Variants in CNOT4 observed in about 807,000 individuals in gnomAD.
CNOT4 encodes the protein CCR4-associated factor 4.
CNOT4 carries 8 observed loss-of-function variants against 73.8 expected under a neutral mutation model. The ratio of observed to expected loss-of-function variants is 0.11; its 90% CI spans 0.06 to 0.20. The LOEUF is 0.20. Ranked by LOEUF, CNOT4 falls within the 10% of genes least tolerant of loss-of-function variation. CNOT4 has a pLI of 1.00. For missense variants in CNOT4, 564 were observed against 883.4 expected, an observed-to-expected ratio of 0.64 and a Z score of 4.58; for synonymous variants, 293 against 321.1, an observed-to-expected ratio of 0.91 and a Z score of 0.94.
At chr7:135,443,300 A>G (rs1464733826) in intron 1 of CNOT4, among the ~76,000 whole-genome samples, 7 of 151,242 alleles carry the variant, frequency 4.6e-5, no homozygotes, top group Non-Finnish European at 7.4e-5. Context: ...GGTTTCAGTG[A>G]GCCTAGATCA....
intron 2 of CNOT4, among the ~76,000 whole-genome samples, chr7:135,435,829 T>C (rs1315257164): frequency 1.3e-5 from 2 of 152,222 alleles, no homozygotes; most frequent in African/African-American, 4.8e-5. Flanking sequence ...TAGAAGCTCC[T>C]AGTTCCTCCA....
At chr7:135,500,983 C>G (rs112063381) in intron 1 of CNOT4, among the ~76,000 whole-genome samples, 1 of 134,532 alleles carries the variant, frequency 7.4e-6, no homozygotes, top group African/African-American at 2.8e-5. Flanking sequence ...TCTACTAAAC[C>G]TTTTTTTTTT....
intron 10 of CNOT4, among the ~76,000 whole-genome samples, chr7:135,390,716 C>A (rs1361812627): frequency 6.6e-6 from 1 of 152,038 alleles, no homozygotes; most frequent in Non-Finnish European, 1.5e-5. Context: ...ATTCACTGAA[C>A]AAACCAAAAA....
chr7:135,364,201 T>C lies in CNOT4; in HGVS notation c.1628-135A>G. 2.7e-6 allele frequency: 2 copies of C among 728,300 alleles called. No homozygotes were observed. The highest frequency in any genetic ancestry group is 4.4e-6 in the Non-Finnish European group (2 of 452,978). 45.1% of individuals were successfully genotyped at this position (728,300 alleles called of 1,614,324 possible). ...ATTGAGCATTTAAAATGGGTTGTCCTAGCAAGATAAACTTGGTTAGGATTT... is the reference window on the plus strand; with the variant it reads ...ATTGAGCATTTAAAATGGGTTGTCCCAGCAAGATAAACTTGGTTAGGATTT... On this transcript the variant is annotated intron_variant, in intron 10 of 11. Coordinates refer to ENST00000541284, the MANE Select transcript of CNOT4 (RefSeq NM_001190850.2). The surrounding 1 kb of genome is among the most constrained non-coding windows in gnomAD (Gnocchi z 4.3).
intron 10 of CNOT4, among the ~76,000 whole-genome samples, chr7:135,367,940 G>A (rs570123668): frequency 7.2e-5 from 11 of 152,046 alleles, no homozygotes; most frequent in African/African-American, 2.7e-4. Flanking sequence ...TTAAGGAATC[G>A]ATAATATATT....
chr7:135,453,027 G>T (rs1234676222), intron 1 of CNOT4, among the ~76,000 whole-genome samples: 1 of 152,102 alleles, frequency 6.6e-6, no homozygotes, highest in East Asian at 1.9e-4. Context: ...TTATTTGGGG[G>T]AAAAAGTATC....
chr7:135,383,245 A>C (rs1047331202), intron 10 of CNOT4, among the ~76,000 whole-genome samples: 1 of 152,198 alleles, frequency 6.6e-6, no homozygotes, highest in Non-Finnish European at 1.5e-5. Flanking sequence ...CCAGTTTGCA[A>C]GTGAGCTTGG....
rs1433033538 is a variant in CNOT4, at chr7:135,510,029, G to A, written c.-233C>T. 2.5e-6 allele frequency: 1 copy of A among 398,638 alleles called. No individual in the cohort carries two copies. Among genetic ancestry groups the A allele is most frequent in the East Asian group, 3.6e-5 (1 of 28,074 alleles). 24.7% of individuals were successfully genotyped at this position (398,638 alleles called of 1,614,324 possible). A position where few individuals can be genotyped will look rare whatever the true frequency, so the allele number is the denominator to read the frequency against. On this transcript the variant is annotated 5_prime_UTR_variant, in exon 1 of 12. Coordinates refer to ENST00000541284, the MANE Select transcript of CNOT4 (RefSeq NM_001190850.2). Reference sequence around the variant, plus strand: ...CAGCGAGTCCGACCTTTACGGCTGAGAGAGAGACTCTCAGCTTTCGGTGGG... The same window carrying A: ...CAGCGAGTCCGACCTTTACGGCTGAAAGAGAGACTCTCAGCTTTCGGTGGG...
intron 1 of CNOT4, among the ~76,000 whole-genome samples, chr7:135,494,599 C>T (rs1803338811): frequency 6.6e-6 from 1 of 151,116 alleles, no homozygotes; most frequent in Admixed American, 6.6e-5. Context: ...GTGCCAAGTA[C>T]TATTCCCAGA....
intron 1 of CNOT4, among the ~76,000 whole-genome samples, chr7:135,439,537 G>T (rs941562002): frequency 6.6e-6 from 1 of 152,206 alleles, no homozygotes; most frequent in Non-Finnish European, 1.5e-5. Context: ...GGCCAAGGCA[G>T]GAGGACTGCT....
At chr7:135,447,528 A>G (rs1799908692) in intron 1 of CNOT4, among the ~76,000 whole-genome samples, 1 of 152,178 alleles carries the variant, frequency 6.6e-6, no homozygotes, top group Non-Finnish European at 1.5e-5. Flanking sequence ...CTACCTCTCT[A>G]TCACTTTGCT....
chr7:135,494,428 C>T (rs908947953), intron 1 of CNOT4, among the ~76,000 whole-genome samples: 1 of 145,806 alleles, frequency 6.9e-6, no homozygotes, highest in Non-Finnish European at 1.5e-5. Context: ...CGAGATCGCG[C>T]CATTGCACTA....
rs911892391 is a variant in CNOT4, at chr7:135,479,006, T to C, written c.-93+30883A>G. Among the ~76,000 whole-genome samples, 8 of 152,220 alleles carry C rather than the reference T, an allele frequency of 5.3e-5. No individual in the cohort carries two copies. In the South Asian group the frequency reaches 6.2e-4, roughly 12 times the overall value. ...AATTTTCCTGAATACACCAACACAA[T>C]TGGTAAATTTGATGAGTCAGTCTAC... On this transcript the variant is annotated intron_variant, in intron 1 of 11. Coordinates refer to ENST00000541284, the MANE Select transcript of CNOT4 (RefSeq NM_001190850.2).
At chr7:135,369,341 T>G (rs1463071611) in intron 10 of CNOT4, among the ~76,000 whole-genome samples, 1 of 152,178 alleles carries the variant, frequency 6.6e-6, no homozygotes, top group Non-Finnish European at 1.5e-5. Context: ...CTGCCTCTAC[T>G]TTATTTTTGG....
At chr7:135,486,722 G>C (rs1029200666) in intron 1 of CNOT4, among the ~76,000 whole-genome samples, 1 of 152,106 alleles carries the variant, frequency 6.6e-6, no homozygotes, top group African/African-American at 2.4e-5. Context: ...GCAATAAAAA[G>C]GAACAAAGAG....
At position 135,477,089 on chromosome 7, in the gene CNOT4, C is replaced by T. The variant is rs186243769; in HGVS notation, c.-93+32800G>A. ...AGATGTTGTGGCTCACGCCTGCTTTCCTGGCACTTTGGGACGCTGAGGTGG... is the reference window on the plus strand; with the variant it reads ...AGATGTTGTGGCTCACGCCTGCTTTTCTGGCACTTTGGGACGCTGAGGTGG... On this transcript the variant is annotated intron_variant, in intron 1 of 11. Transcript: ENST00000541284. Among the ~76,000 whole-genome samples, 49 of 152,154 alleles carry T rather than the reference C, an allele frequency of 3.2e-4. No homozygotes were observed. The East Asian group carries it at 8.9e-3, about 28-fold the overall frequency.
At chr7:135,445,621 C>G (rs1799777701) in intron 1 of CNOT4, among the ~76,000 whole-genome samples, 1 of 152,160 alleles carries the variant, frequency 6.6e-6, no homozygotes, top group Admixed American at 6.5e-5. Context: ...TGTTCTAAAA[C>G]AATCTGTCCA....
chr7:135,407,769 G>A (rs79630080), intron 7 of CNOT4, among the ~76,000 whole-genome samples: 26,050 of 152,046 alleles, frequency 0.17, 2,559 homozygotes, highest in Non-Finnish European at 0.22. Flanking sequence ...GAAGTGATCC[G>A]CCTGTCTCAG....
chr7:135,366,728 T>C (rs1794937560), intron 10 of CNOT4, among the ~76,000 whole-genome samples: 1 of 152,228 alleles, frequency 6.6e-6, no homozygotes, highest in African/African-American at 2.4e-5. Flanking sequence ...GCTCTTGGAA[T>C]AGGATCATAT....
Sources: gnomAD v4.1 joint callset for allele counts (sites outside exome capture counted in the v4.1 genomes callset) on GRCh38, gnomAD v4.1.1 for gene constraint, Gnocchi (gnomAD v3.1) non-coding constraint, MANE v1.5 for transcripts, NCBI Gene and HGNC (gene_info 2026-07-23, HGNC 2026-07-21) for gene names.